CSMD3: variants seen among roughly 807,000 people sequenced by gnomAD.
The protein encoded by CSMD3 is CUB and Sushi multiple domains 3.
Under a neutral mutation model 435.2 loss-of-function variants are expected in CSMD3, and 177 were observed. That is an observed-to-expected ratio of 0.41 (90% CI 0.36 to 0.46). The LOEUF (loss-of-function observed/expected upper bound fraction) is 0.46, where lower values mean the gene tolerates loss of function less well. CSMD3 is among the 20% of genes least tolerant of loss of function. The pLI, the probability that CSMD3 is intolerant of heterozygous loss-of-function variation, is 0.34. For synonymous variants in CSMD3, 1,656 were observed against 1,520.5 expected, an observed-to-expected ratio of 1.09 and a Z score of -2.07; for missense variants, 4,265 against 4,504.6, an observed-to-expected ratio of 0.95 and a Z score of 1.52.
chr8:112,769,915 A>T (rs1285635743), intron 13 of CSMD3, among the ~76,000 whole-genome samples: 1 of 152,060 alleles, frequency 6.6e-6, no homozygotes, highest in Non-Finnish European at 1.5e-5. Context: ...AATGTACAAT[A>T]GTGTAAATAT....
chr8:112,782,051 A>C (rs542732932), intron 13 of CSMD3, among the ~76,000 whole-genome samples: 2 of 152,244 alleles, frequency 1.3e-5, no homozygotes, highest in Admixed American at 6.5e-5. Context: ...AACATCCACA[A>C]ACATCAAGAC....
chr8:113,145,108 G>A (rs906620124), intron 4 of CSMD3, among the ~76,000 whole-genome samples: 1 of 151,532 alleles, frequency 6.6e-6, no homozygotes, highest in African/African-American at 2.4e-5. Flanking sequence ...ACTTGGCAGG[G>A]TGGAATAATC....
chr8:113,334,159 A>T (rs1452377183), intron 1 of CSMD3, among the ~76,000 whole-genome samples: 4 of 151,788 alleles, frequency 2.6e-5, no homozygotes, highest in Non-Finnish European at 5.9e-5. Context: ...CTTTCTGTAC[A>T]TCTATAAAAT....
chr8:112,712,027 G>A (rs1033013535), intron 13 of CSMD3, among the ~76,000 whole-genome samples: 4 of 152,108 alleles, frequency 2.6e-5, no homozygotes, highest in Non-Finnish European at 5.9e-5. Flanking sequence ...TATGCTTATG[G>A]CCTGATAGGA....
chr8:113,419,551 G>T (rs1440431810), intron 1 of CSMD3, among the ~76,000 whole-genome samples: 1 of 152,102 alleles, frequency 6.6e-6, no homozygotes, highest in Non-Finnish European at 1.5e-5. Flanking sequence ...AAGGGCTATT[G>T]ATAAAAAGAT....
At chr8:113,278,541 T>C (rs764335811) in intron 3 of CSMD3, 51 bp downstream of exon 3, 36 of 849,940 alleles carry the variant, frequency 4.2e-5, no homozygotes, top group South Asian at 3.9e-4. Context: ...TTGAAAAATT[T>C]TGTTAGATTA....
In CSMD3 at chr8:112,336,844, A is replaced by G; in HGVS notation, c.6842-15T>C. ...ACCACAAAGAGCTACGGAAAAAGTC[A>G]CAAAACAAAATAATATTTTAAAATA... is the stretch of plus-strand genomic sequence containing the variant. On this transcript the variant is annotated splice_polypyrimidine_tract_variant and intron_variant, in intron 43 of 70. Coordinates refer to ENST00000297405, the MANE Select transcript of CSMD3 (RefSeq NM_198123.2). The G allele has an allele frequency of 6.2e-7, 1 of 1,601,952 alleles. No individual in the cohort carries two copies. The highest frequency in any genetic ancestry group is 8.6e-7 in the Non-Finnish European group (1 of 1,169,390).
At chr8:112,413,867 A>G (rs1811620308) in intron 32 of CSMD3, among the ~76,000 whole-genome samples, 2 of 152,044 alleles carry the variant, frequency 1.3e-5, no homozygotes, top group South Asian at 2.1e-4. Flanking sequence ...CTGTCTTTGC[A>G]TTGTCCAACT....
intron 22 of CSMD3, among the ~76,000 whole-genome samples, chr8:112,616,359 A>G: frequency 6.6e-6 from 1 of 152,290 alleles, no homozygotes; most frequent in South Asian, 2.1e-4. Flanking sequence ...TATATATTTA[A>G]TGACATCTAC....
intron 1 of CSMD3, among the ~76,000 whole-genome samples, chr8:113,357,530 T>G (rs947710001): frequency 6.6e-6 from 1 of 152,192 alleles, no homozygotes; most frequent in Non-Finnish European, 1.5e-5. Context: ...TATAAAATAA[T>G]TTAATTCAAT....
intron 6 of CSMD3, 53 bp from the exon 7 acceptor site, chr8:112,976,201 AT>A (rs1193852338): frequency 6.3e-7 from 1 of 1,579,728 alleles, no homozygotes; most frequent in East Asian, 2.3e-5. Context: ...AATTTTGTTT[AT>A]TTTTTCTGAT....
intron 13 of CSMD3, among the ~76,000 whole-genome samples, chr8:112,790,040 C>A (rs1283039286): frequency 2.0e-5 from 3 of 151,794 alleles, no homozygotes; most frequent in Non-Finnish European, 2.9e-5. Context: ...ATATTAAAAG[C>A]CATTTGGGTT....
intron 18 of CSMD3, among the ~76,000 whole-genome samples, chr8:112,655,119 T>G (rs2075225088): frequency 6.6e-6 from 1 of 152,148 alleles, no homozygotes; most frequent in Non-Finnish European, 1.5e-5. Flanking sequence ...TTAAAAAAAC[T>G]AATGGATCTA....
intron 4 of CSMD3, among the ~76,000 whole-genome samples, chr8:113,165,304 T>C (rs930776428): frequency 1.9e-4 from 29 of 152,200 alleles, no homozygotes; most frequent in Non-Finnish European, 3.5e-4. Flanking sequence ...TTAATGTTTA[T>C]AAAATTCTGT....
intron 3 of CSMD3, among the ~76,000 whole-genome samples, chr8:113,196,834 T>C (rs1179408841): frequency 1.3e-5 from 2 of 151,326 alleles, no homozygotes; most frequent in Non-Finnish European, 3.0e-5. Flanking sequence ...TTCACTTTTC[T>C]CATATAATTA....
chr8:112,720,099 G>A (rs1048383755), intron 13 of CSMD3, among the ~76,000 whole-genome samples: 2 of 152,058 alleles, frequency 1.3e-5, no homozygotes, highest in Admixed American at 1.3e-4. Flanking sequence ...ATTTTTGAAT[G>A]GAAGTCTTTA....
chr8:113,227,839 C>T (rs915890155), intron 3 of CSMD3, among the ~76,000 whole-genome samples: 41 of 151,404 alleles, frequency 2.7e-4, no homozygotes, highest in African/African-American at 9.2e-4. Context: ...GAAAATGCAC[C>T]GATACAATAC....
At chr8:113,008,172 C>T (rs1016455879) in intron 6 of CSMD3, among the ~76,000 whole-genome samples, 4 of 151,580 alleles carry the variant, frequency 2.6e-5, no homozygotes, top group African/African-American at 9.7e-5. Context: ...ATTTTATATA[C>T]TCCTTTTAAG....
intron 22 of CSMD3, among the ~76,000 whole-genome samples, chr8:112,636,110 G>C (rs2074649461): frequency 6.6e-6 from 1 of 152,088 alleles, no homozygotes; most frequent in Non-Finnish European, 1.5e-5. Context: ...AAGAGGGAAT[G>C]ATTTAAGTCT....
Sources: allele counts gnomAD v4.1 joint callset (sites outside exome capture counted in the v4.1 genomes callset), GRCh38; gene constraint gnomAD v4.1.1; transcripts MANE v1.5; gene names NCBI Gene and HGNC (gene_info 2026-07-23, HGNC 2026-07-21).